Variants in COL19A1 observed in about 807,000 individuals in gnomAD.
COL19A1 encodes collagen alpha-1(XIX) chain.
Under a neutral mutation model 190.2 loss-of-function variants are expected in COL19A1, and 159 were observed. The observed-to-expected ratio is 0.84, with a 90% CI of 0.73 to 0.95. COL19A1 has a LOEUF of 0.95. COL19A1 is among the 40% of genes least tolerant of loss of function. The pLI, the probability that COL19A1 is intolerant of heterozygous loss-of-function variation, is 0.00. For synonymous variants in COL19A1, 509 were observed against 458.9 expected (o/e 1.11, Z -1.39); for missense variants, 1,418 against 1,431.9 (o/e 0.99, Z 0.16).
At chr6:70,095,569 C>A (rs1020682483) in intron 15 of COL19A1, among the ~76,000 whole-genome samples, 1 of 152,230 alleles carries the variant, frequency 6.6e-6, no homozygotes, top group African/African-American at 2.4e-5. Flanking sequence ...CCATCCTTAC[C>A]ACTTTTAAGT....
chr6:69,993,313 G>A (rs1250709536), intron 11 of COL19A1, among the ~76,000 whole-genome samples: 3 of 152,112 alleles, frequency 2.0e-5, no homozygotes, highest in Admixed American at 2.0e-4. Flanking sequence ...AAGCCTACTT[G>A]ATCATGGATG....
At chr6:70,084,708 T>A (rs989059167) in intron 15 of COL19A1, among the ~76,000 whole-genome samples, 1 of 152,148 alleles carries the variant, frequency 6.6e-6, no homozygotes. Flanking sequence ...GTAGAGATGC[T>A]CCCTCTGCTG....
intron 9 of COL19A1, among the ~76,000 whole-genome samples, chr6:69,957,545 A>G (rs1290472586): frequency 6.6e-6 from 1 of 152,156 alleles, no homozygotes; most frequent in Non-Finnish European, 1.5e-5. Flanking sequence ...CTTTCATAGA[A>G]AACCCCGTAA....
intron 1 of COL19A1, among the ~76,000 whole-genome samples, chr6:69,877,087 G>T (rs920918558): frequency 6.6e-6 from 1 of 152,152 alleles, no homozygotes; most frequent in African/African-American, 2.4e-5. Flanking sequence ...TCTACTGATA[G>T]AATTTAGACA....
chr6:70,051,198 T>G (rs9454950), intron 14 of COL19A1, among the ~76,000 whole-genome samples: 2,193 of 152,226 alleles, frequency 0.014, 40 homozygotes, highest in South Asian at 0.048. Context: ...TCACATTATT[T>G]TAAAAGGATA....
At chr6:70,050,953 C>A (rs778732410) in intron 14 of COL19A1, among the ~76,000 whole-genome samples, 1 of 152,026 alleles carries the variant, frequency 6.6e-6, no homozygotes, top group African/African-American at 2.4e-5. Context: ...GCCAGGAAAC[C>A]AGATTCTATC....
intron 14 of COL19A1, among the ~76,000 whole-genome samples, chr6:70,041,702 T>C (rs1779641125): frequency 1.3e-5 from 2 of 152,116 alleles, no homozygotes; most frequent in South Asian, 4.1e-4. Flanking sequence ...TATTTAAATC[T>C]AGTTTAAAAA....
intron 34 of COL19A1, among the ~76,000 whole-genome samples, chr6:70,160,882 TA>T (rs1206006005): frequency 6.6e-6 from 1 of 152,196 alleles, no homozygotes; most frequent in African/African-American, 2.4e-5. Context: ...ACTTTATTTT[TA>T]CATGTTTTCT....
At chr6:70,003,319 T>C (rs1777392934) in intron 11 of COL19A1, among the ~76,000 whole-genome samples, 1 of 152,246 alleles carries the variant, frequency 6.6e-6, no homozygotes, top group Non-Finnish European at 1.5e-5. Flanking sequence ...ATAAGTGCCA[T>C]GTGGCACTGA....
chr6:69,958,290 A>G (rs1774555676), intron 9 of COL19A1, among the ~76,000 whole-genome samples: 2 of 152,318 alleles, frequency 1.3e-5, no homozygotes, highest in Non-Finnish European at 1.5e-5. Context: ...TTTAATGGAT[A>G]ATATGCCATA....
Position 69,934,808 on chromosome 6 carries a change from T to C in COL19A1, c.747+1945T>C, listed in dbSNP as rs150506805. Among the ~76,000 whole-genome samples, 370 of 152,110 alleles carry C rather than the reference T, an allele frequency of 2.4e-3. 2 individuals carry two copies. The highest frequency in any genetic ancestry group is 8.3e-3 in the African/African-American group (347 of 41,560). On this transcript the variant is annotated intron_variant, in intron 7 of 50. Transcript: ENST00000620364. ...ACAAAAAATAGAAACATACTACATT[T>C]TATGAATAGGAATGTACAGTTGGAA...
Position 69,929,818 on chromosome 6 carries a change from A to G in COL19A1, c.666+118A>G, listed in dbSNP as rs554806962. 2.6e-4 allele frequency: 237 copies of G among 916,404 alleles called. 1 individual carries two copies. In the South Asian group the frequency reaches 5.1e-3, roughly 20 times the overall value. 56.8% of individuals were successfully genotyped at this position (916,404 alleles called of 1,614,324 possible). A position where few individuals can be genotyped will look rare whatever the true frequency, so the allele number is the denominator to read the frequency against. On this transcript the variant is annotated intron_variant, in intron 6 of 50. Transcript: ENST00000620364. ...AGATTCCCTTCTCATCAATTTTATT[A>G]ATTTAATTAATTTGCCGTCAGATGT...
intron 11 of COL19A1, among the ~76,000 whole-genome samples, chr6:70,006,094 T>A (rs1415524458): frequency 6.6e-6 from 1 of 152,124 alleles, no homozygotes; most frequent in South Asian, 2.1e-4. Flanking sequence ...ACTTAGTGTG[T>A]TAGGCAGTTG....
At chr6:70,105,968 A>G (rs1339035019) in intron 16 of COL19A1, among the ~76,000 whole-genome samples, 1 of 152,206 alleles carries the variant, frequency 6.6e-6, no homozygotes, top group Non-Finnish European at 1.5e-5. Context: ...TCTAGTCAGC[A>G]TGATTGTCTG....
chr6:69,965,457 G>A (rs61070330), intron 11 of COL19A1, among the ~76,000 whole-genome samples: 2,705 of 152,220 alleles, frequency 0.018, 73 homozygotes, highest in African/African-American at 0.055. Flanking sequence ...CAGGCCAACC[G>A]AACTCACTAG....
At chr6:69,983,377 A>G (rs1776153311) in intron 11 of COL19A1, among the ~76,000 whole-genome samples, 1 of 152,140 alleles carries the variant, frequency 6.6e-6, no homozygotes, top group African/African-American at 2.4e-5. Flanking sequence ...TGCTTTATTA[A>G]CTAATTAATT....
At chr6:70,022,165 A>G (rs1221927516) in intron 11 of COL19A1, among the ~76,000 whole-genome samples, 1 of 152,162 alleles carries the variant, frequency 6.6e-6, no homozygotes, top group Non-Finnish European at 1.5e-5. Flanking sequence ...TCATTGTAGG[A>G]AAAATGAAGG....
chr6:70,083,913 A>G (rs1217495268), intron 15 of COL19A1, among the ~76,000 whole-genome samples: 3 of 152,210 alleles, frequency 2.0e-5, no homozygotes, highest in Non-Finnish European at 4.4e-5. Context: ...AACTGATTAT[A>G]TAAATAGAAT....
chr6:70,145,745 G>A (rs1228601805), intron 25 of COL19A1, among the ~76,000 whole-genome samples: 1 of 108,516 alleles, frequency 9.2e-6, no homozygotes, highest in East Asian at 2.2e-4. Context: ...TTTTGAGACA[G>A]GGTCTTAATC....
Sources: gnomAD v4.1 joint callset for allele counts (sites outside exome capture counted in the v4.1 genomes callset) on GRCh38, gnomAD v4.1.1 for gene constraint, MANE v1.5 for transcripts, NCBI Gene and HGNC (gene_info 2026-07-23, HGNC 2026-07-21) for gene names.